The following UBE2E1 variants were observed in gnomAD, a reference collection of about 807,000 sequenced individuals.
UBE2E1 encodes the protein ubiquitin conjugating enzyme E2 E1, also known as ubiquitin-conjugating enzyme E2 E1.
A neutral mutation model predicts 21.4 loss-of-function variants in UBE2E1; 6 were observed. The observed-to-expected ratio is 0.28, with a 90% CI of 0.15 to 0.55. UBE2E1 has a LOEUF of 0.55. UBE2E1 is among the 20% of genes least tolerant of loss of function. The probability of loss-of-function intolerance (pLI) is 0.93; values close to 1 mark genes in which losing one functional copy is unlikely to be tolerated. For missense variants in UBE2E1, 142 were observed against 236.5 expected (o/e 0.60, Z 2.62); for synonymous variants, 87 against 82.7 (o/e 1.05, Z -0.28).
Position 23,888,147 on chromosome 3 carries a change from G to A in UBE2E1, c.336+448G>A, listed in dbSNP as rs1701234085. 55 of 451,226 alleles carry A rather than the reference G, an allele frequency of 1.2e-4. 1 individual carries two copies. The highest frequency in any genetic ancestry group is 8.6e-4 in the South Asian group (55 of 63,854). The allele number at this position is 451,226 out of a possible 1,614,324, so 28.0% of individuals were successfully genotyped here. On this transcript the variant is annotated intron_variant, in intron 4 of 5. Coordinates refer to ENST00000306627, the MANE Select transcript of UBE2E1 (RefSeq NM_003341.5). ...AAAAAAAGGCAGGGCAGGTCAGGGG[G>A]CCAAACAACTAGAGAATCAGAATCT...
At position 23,883,667 on chromosome 3, in the gene UBE2E1, C is replaced by T. The variant is rs1477489028; in HGVS notation, c.204-3900C>T. ...GCATGGTGGCTCACACCTGTAATCC[C>T]AGCACTTTGGCAGGCTGAGGCAGTC... On this transcript the variant is annotated intron_variant, in intron 3 of 5. Coordinates refer to ENST00000306627, the MANE Select transcript of UBE2E1 (RefSeq NM_003341.5). 3.3e-5 allele frequency among the ~76,000 whole-genome samples: 5 copies of T among 152,214 alleles called. No homozygotes were observed. The South Asian group carries it at 6.2e-4, about 19-fold the overall frequency.
Position 23,842,196 on chromosome 3 carries a change from G to GTGTGTGTGTGT in UBE2E1, c.203+30686_203+30687insTGTGTGTGTGT, listed in dbSNP as rs1559482310. On this transcript the variant is annotated intron_variant, in intron 3 of 5. Coordinates refer to ENST00000306627, the MANE Select transcript of UBE2E1 (RefSeq NM_003341.5). This position sits in a 1 kb window ranked among gnomAD's most constrained non-coding sequence, Gnocchi z 4.6. ...ACTATGTCATGACCCAGTAAGTGAAGGGGTGTGTGTGTGTGTGTGTGTGTG... is the reference window on the plus strand; with the variant it reads ...ACTATGTCATGACCCAGTAAGTGAAGTGTGTGTGTGTGGGTGTGTGTGTGTGTGTGTGTGTG... 2.3e-5 allele frequency among the ~76,000 whole-genome samples: 1 copy of GTGTGTGTGTGT among 44,330 alleles called. No individual in the cohort carries two copies. Among genetic ancestry groups the GTGTGTGTGTGT allele is most frequent in the Non-Finnish European group, 5.4e-5 (1 of 18,552 alleles). The allele number at this position is 44,330 out of a possible 152,430, so 29.1% of individuals were successfully genotyped here.
rs1043680576 is a variant in UBE2E1 at position 23,863,167 on chromosome 3, A to C, written c.204-24400A>C. On this transcript the variant is annotated intron_variant, in intron 3 of 5. Transcript: ENST00000306627. The surrounding 1 kb of genome is among the most constrained non-coding windows in gnomAD (Gnocchi z 4.3). The stretch of plus-strand genomic sequence containing the variant: ...ATCCTGTTTTTAGGTATATACTCAT[A>C]TTACTTTATATTTCAGTTTTTACCA... Among the ~76,000 whole-genome samples the C allele has an allele frequency of 1.1e-4, 17 of 151,780 alleles. No homozygotes were observed. The highest frequency in any genetic ancestry group is 2.6e-4 in the Admixed American group (4 of 15,208).
chr3:23,807,497 T>A lies in UBE2E1; in HGVS notation c.152+76T>A, dbSNP rs186973592. 361 of 1,557,568 alleles carry A rather than the reference T, an allele frequency of 2.3e-4. No homozygotes were observed. The African/African-American group carries it at 4.5e-3, about 19-fold the overall frequency. On this transcript the variant is annotated intron_variant, in intron 2 of 5. Transcript: ENST00000306627. The stretch of plus-strand genomic sequence containing the variant: ...TTGCTGCATTTGGTCTGCCTCCCAA[T>A]GAGGATAGCTTAAACGCTCCTCATG...
intron 3 of UBE2E1, among the ~76,000 whole-genome samples, chr3:23,814,905 G>A (rs1699480480): frequency 6.6e-6 from 1 of 152,208 alleles, no homozygotes; most frequent in Admixed American, 6.5e-5. Context: ...TAGAAATTCA[G>A]ATGGGGTGCT....
intron 3 of UBE2E1, among the ~76,000 whole-genome samples, chr3:23,825,718 G>C (rs1479522187): frequency 6.6e-6 from 1 of 152,162 alleles, no homozygotes; most frequent in Non-Finnish European, 1.5e-5. Flanking sequence ...AGTGGGGTAG[G>C]CCAGTGTGGC....
intron 3 of UBE2E1, among the ~76,000 whole-genome samples, chr3:23,838,424 A>G (rs1700015328): frequency 6.6e-6 from 1 of 152,106 alleles, no homozygotes; most frequent in Non-Finnish European, 1.5e-5. Context: ...CAATCTGACA[A>G]TCTTTGCTTT....
chr3:23,809,489 G>GA (rs988980152), intron 2 of UBE2E1, among the ~76,000 whole-genome samples: 3 of 152,226 alleles, frequency 2.0e-5, no homozygotes, highest in African/African-American at 7.2e-5. Context: ...GTGGGTAGAG[G>GA]AAAGCCCCCA....
intron 3 of UBE2E1, among the ~76,000 whole-genome samples, chr3:23,841,671 C>G (rs1028222401): frequency 6.6e-6 from 1 of 152,164 alleles, no homozygotes; most frequent in Non-Finnish European, 1.5e-5. Flanking sequence ...ATTCACAGTT[C>G]TAGGATTCTG....
intron 3 of UBE2E1, among the ~76,000 whole-genome samples, chr3:23,858,700 T>C (rs972140170): frequency 2.0e-5 from 3 of 152,226 alleles, no homozygotes; most frequent in African/African-American, 7.2e-5. Flanking sequence ...CTTTCTCTTA[T>C]TCTTACCACT....
intron 3 of UBE2E1, among the ~76,000 whole-genome samples, chr3:23,821,017 G>A (rs1699632049): frequency 6.6e-6 from 1 of 152,210 alleles, no homozygotes; most frequent in South Asian, 2.1e-4. Context: ...ATGAAGCAAT[G>A]TTGTACATGT....
chr3:23,860,825 T>C (rs1166859855), intron 3 of UBE2E1, among the ~76,000 whole-genome samples: 1 of 152,250 alleles, frequency 6.6e-6, no homozygotes, highest in Non-Finnish European at 1.5e-5. Flanking sequence ...AACTATTGCA[T>C]ATAATAGTAA....
rs527458999 is a variant in UBE2E1 at position 23,863,571 on chromosome 3, C to T, written c.204-23996C>T. 7.9e-5 allele frequency among the ~76,000 whole-genome samples: 12 copies of T among 152,232 alleles called. No homozygotes were observed. The highest frequency in any genetic ancestry group is 3.9e-4 in the East Asian group (2 of 5,182). ...TTGAGACGGAGTTTCGCTCTTGTTG[C>T]GCAGGCTGGAGTGCAGTGGCGCGAT... On this transcript the variant is annotated intron_variant, in intron 3 of 5. Coordinates refer to ENST00000306627, the MANE Select transcript of UBE2E1 (RefSeq NM_003341.5). This position sits in a 1 kb window ranked among gnomAD's most constrained non-coding sequence, Gnocchi z 4.3.
At chr3:23,819,207 C>A (rs1318134324) in intron 3 of UBE2E1, among the ~76,000 whole-genome samples, 1 of 152,104 alleles carries the variant, frequency 6.6e-6, no homozygotes, top group Non-Finnish European at 1.5e-5. Context: ...TCGCTTGAAC[C>A]CGGGAGACAG....
intron 3 of UBE2E1, among the ~76,000 whole-genome samples, chr3:23,874,126 G>T (rs899392586): frequency 6.6e-6 from 1 of 152,246 alleles, no homozygotes; most frequent in African/African-American, 2.4e-5. Flanking sequence ...CAGTGTGGAA[G>T]CTGCATAAGG....
chr3:23,818,585 C>T (rs1157065445), intron 3 of UBE2E1, among the ~76,000 whole-genome samples: 2 of 152,176 alleles, frequency 1.3e-5, no homozygotes, highest in East Asian at 3.8e-4. Flanking sequence ...CTCTGTCTCT[C>T]TCTTATCTCT....
intron 3 of UBE2E1, among the ~76,000 whole-genome samples, chr3:23,881,753 G>A (rs781153013): frequency 8.1e-4 from 123 of 152,298 alleles, no homozygotes; most frequent in Non-Finnish European, 1.4e-3. Context: ...ATGAAGCCGC[G>A]GACCCTCACG....
At chr3:23,827,127 A>G (rs931414154) in intron 3 of UBE2E1, among the ~76,000 whole-genome samples, 1 of 152,166 alleles carries the variant, frequency 6.6e-6, no homozygotes, top group Non-Finnish European at 1.5e-5. Flanking sequence ...CAAAATTTCA[A>G]TGCAGACATA....
At chr3:23,860,722 A>G (rs7626431) in intron 3 of UBE2E1, among the ~76,000 whole-genome samples, 117,774 of 152,172 alleles carry the variant, frequency 0.77, 46,096 homozygotes, top group African/African-American at 0.85. Context: ...CATAAACATC[A>G]AAATGGTGTT....
Sources: gnomAD v4.1 joint callset for allele counts (sites outside exome capture counted in the v4.1 genomes callset) on GRCh38, gnomAD v4.1.1 for gene constraint, Gnocchi (gnomAD v3.1) non-coding constraint, MANE v1.5 for transcripts, NCBI Gene and HGNC (gene_info 2026-07-23, HGNC 2026-07-21) for gene names.